PRTFDC1: variants seen among roughly 807,000 people sequenced by gnomAD.
The protein encoded by PRTFDC1 is phosphoribosyl transferase domain containing 1.
Under a neutral mutation model 34.6 loss-of-function variants are expected in PRTFDC1, and 38 were observed. That is an observed-to-expected ratio of 1.10 (90% CI 0.85 to 1.44). The LOEUF is 1.44. Among genes scored for constraint, PRTFDC1 ranks in the 40% most tolerant of loss-of-function variants. PRTFDC1 has a pLI of 0.00. For missense variants in PRTFDC1, 270 were observed against 283.0 expected (o/e 0.95, Z 0.33); for synonymous variants, 93 against 98.1 (o/e 0.95, Z 0.31).
chr10:24,858,249 G>GC (rs2132493245), intron 5 of PRTFDC1, 143 bp downstream of exon 5: 1 of 767,824 alleles, frequency 1.3e-6, no homozygotes, highest in African/African-American at 1.8e-5. Flanking sequence ...ACGCTATCTG[G>GC]CCCCTATTCA....
chr10:24,851,213 A>C (rs1847481148), intron 8 of PRTFDC1, among the ~76,000 whole-genome samples, 175 bp downstream of exon 8: 1 of 152,174 alleles, frequency 6.6e-6, no homozygotes. Context: ...CCTGATACCT[A>C]CCCTGCAGAA....
chr10:24,899,146 A>C (rs1483603208), intron 3 of PRTFDC1, among the ~76,000 whole-genome samples: 2 of 152,220 alleles, frequency 1.3e-5, no homozygotes, highest in African/African-American at 4.8e-5. Flanking sequence ...TGCTGTGACC[A>C]AGGGGCCATG....
intron 3 of PRTFDC1, among the ~76,000 whole-genome samples, chr10:24,877,009 C>A (rs934426287): frequency 1.3e-5 from 2 of 152,102 alleles, no homozygotes; most frequent in Non-Finnish European, 2.9e-5. Context: ...TTTCAACCAA[C>A]CTTGTTGTTT....
At chr10:24,891,095 C>A (rs12220543) in intron 3 of PRTFDC1, among the ~76,000 whole-genome samples, 1 of 152,126 alleles carries the variant, frequency 6.6e-6, no homozygotes, top group Non-Finnish European at 1.5e-5. Flanking sequence ...CATAAAAGGA[C>A]CCAATTTTGT....
chr10:24,851,294 T>C, intron 8 of PRTFDC1, 94 bp downstream of exon 8: 4 of 1,500,604 alleles, frequency 2.7e-6, no homozygotes, highest in South Asian at 1.3e-5. Context: ...AGATACTCAA[T>C]CAATAGCAGA....
chr10:24,931,937 G>A (rs1403160414), intron 3 of PRTFDC1, among the ~76,000 whole-genome samples: 7 of 148,750 alleles, frequency 4.7e-5, no homozygotes, highest in Admixed American at 4.0e-4. Context: ...AAAAAACTAT[G>A]GTTTAATATC....
At chr10:24,857,765 T>C (rs1847607691) in intron 5 of PRTFDC1, among the ~76,000 whole-genome samples, 1 of 151,850 alleles carries the variant, frequency 6.6e-6, no homozygotes. Context: ...CTCCCCTGAA[T>C]TTTTTGCTGT....
At chr10:24,929,856 CT>C (rs1848944238) in intron 3 of PRTFDC1, among the ~76,000 whole-genome samples, 1 of 152,160 alleles carries the variant, frequency 6.6e-6, no homozygotes. Flanking sequence ...CTCAAAGTCC[CT>C]TAGAATAGAT....
intron 4 of PRTFDC1, among the ~76,000 whole-genome samples, chr10:24,864,354 C>T (rs1424368547): frequency 6.6e-6 from 1 of 152,188 alleles, no homozygotes; most frequent in East Asian, 1.9e-4. Context: ...TGCTATCAAA[C>T]AGCATCACAA....
intron 3 of PRTFDC1, among the ~76,000 whole-genome samples, chr10:24,889,880 G>A (rs1848231910): frequency 2.6e-5 from 4 of 152,164 alleles, no homozygotes; most frequent in Admixed American, 2.6e-4. Context: ...TTCCTCTGGA[G>A]GCTAAGGGCT....
chr10:24,866,034 T>C (rs1053130498), intron 4 of PRTFDC1, among the ~76,000 whole-genome samples: 6 of 152,120 alleles, frequency 3.9e-5, no homozygotes, highest in African/African-American at 1.4e-4. Context: ...GGGGGAACTT[T>C]TGGCAGTTTC....
rs536613522 is a variant in PRTFDC1, at chr10:24,909,243, T to G, written c.339+27941A>C. Among the ~76,000 whole-genome samples the G allele has an allele frequency of 3.3e-5, 5 of 152,274 alleles. No individual in the cohort carries two copies. The East Asian group carries it at 9.6e-4, about 29-fold the overall frequency. ...CTGCAGTGAGTCATGATTGTGTCAT[T>G]GCACTCCAGCCTGAGCAACACAGTG... On this transcript the variant is annotated intron_variant, in intron 3 of 8. Coordinates refer to ENST00000320152, the MANE Select transcript of PRTFDC1 (RefSeq NM_020200.7).
Position 24,872,768 on chromosome 10 carries a change from A to G in PRTFDC1, c.340-705T>C, listed in dbSNP as rs12255802. ...AATATATGTGCACACGTGTGTGTGT[A>G]TATATATATGTGTGTGTGTGTATAT... is the stretch of plus-strand genomic sequence containing the variant. On this transcript the variant is annotated intron_variant, in intron 3 of 8. Coordinates refer to ENST00000320152, the MANE Select transcript of PRTFDC1 (RefSeq NM_020200.7). 3.0e-3 allele frequency among the ~76,000 whole-genome samples: 235 copies of G among 78,884 alleles called. 1 individual carries two copies. The highest frequency in any genetic ancestry group is 8.4e-3 in the African/African-American group (209 of 25,014). 51.8% of individuals were successfully genotyped at this position (78,884 alleles called of 152,430 possible). A position where few individuals can be genotyped will look rare whatever the true frequency, so the allele number is the denominator to read the frequency against.
intron 3 of PRTFDC1, among the ~76,000 whole-genome samples, chr10:24,902,862 G>C (rs1848470243): frequency 6.6e-6 from 1 of 152,178 alleles, no homozygotes; most frequent in African/African-American, 2.4e-5. Context: ...GAAAGACTGA[G>C]TTAGATTATT....
chr10:24,930,685 C>T (rs1848958036), intron 3 of PRTFDC1, among the ~76,000 whole-genome samples: 1 of 152,048 alleles, frequency 6.6e-6, no homozygotes. Flanking sequence ...CACTTACATG[C>T]TGCTTGACCT....
intron 3 of PRTFDC1, among the ~76,000 whole-genome samples, chr10:24,905,012 A>C (rs139326024): frequency 6.6e-6 from 1 of 152,300 alleles, no homozygotes; most frequent in African/African-American, 2.4e-5. Context: ...CATTATGTAC[A>C]AAAGTCTATG....
intron 3 of PRTFDC1, among the ~76,000 whole-genome samples, chr10:24,894,876 T>G (rs1848323601): frequency 6.6e-6 from 1 of 151,904 alleles, no homozygotes. Context: ...TGGCTCAGAG[T>G]GGGCATCAGG....
intron 1 of PRTFDC1, among the ~76,000 whole-genome samples, chr10:24,950,693 C>T (rs1353700287): frequency 6.6e-6 from 1 of 152,024 alleles, no homozygotes; most frequent in African/African-American, 2.4e-5. Context: ...TGCTGCCTGC[C>T]CTCCCACCCT....
chr10:24,891,296 TA>T (rs755218178), intron 3 of PRTFDC1, among the ~76,000 whole-genome samples: 2 of 152,190 alleles, frequency 1.3e-5, no homozygotes, highest in Non-Finnish European at 2.9e-5. Context: ...ACAGGATATA[TA>T]CCCTTAACAT....
Sources: gnomAD v4.1 joint callset for allele counts (sites outside exome capture counted in the v4.1 genomes callset) on GRCh38, gnomAD v4.1.1 for gene constraint, MANE v1.5 for transcripts, NCBI Gene and HGNC (gene_info 2026-07-23, HGNC 2026-07-21) for gene names.